The following ABCB8 variants were observed in gnomAD, a reference collection of about 807,000 sequenced individuals.
ABCB8 encodes mitochondrial potassium channel ATP-binding subunit.
In ABCB8, 52 loss-of-function variants were observed where a neutral mutation model predicts 73.0. That is an observed-to-expected ratio of 0.71 (90% confidence interval 0.57 to 0.90). ABCB8 has a LOEUF of 0.90. Among genes scored for constraint, ABCB8 ranks in the 40% least tolerant of loss-of-function variants. ABCB8 has a pLI of 0.00. For synonymous variants in ABCB8, 428 were observed against 423.5 expected (o/e 1.01, Z -0.13); for missense variants, 909 against 974.6 (o/e 0.93, Z 0.90).
At chr7:151,044,459 C>G (rs1335369175) in intron 15 of ABCB8, among the ~76,000 whole-genome samples, 1 of 152,118 alleles carries the variant, frequency 6.6e-6, no homozygotes, top group East Asian at 1.9e-4. Context: ...CCATCAGCTC[C>G]CAGGATCAAA....
At position 151,042,007 on chromosome 7, in the gene ABCB8, G is replaced by A; in HGVS notation, c.1664G>A (p.Gly555Glu). The A allele has an allele frequency of 6.2e-7, 1 of 1,613,016 alleles. No homozygotes were observed. The highest frequency in any genetic ancestry group is 8.5e-7 in the Non-Finnish European group (1 of 1,180,002). Residue 555 changes from glycine (G) to glutamate (E), a missense_variant, in exon 14 of 16, where the codon GGG becomes GAG. Coordinates refer to ENST00000358849, the MANE Select transcript of ABCB8 (RefSeq NM_007188.5). ...GTTIMENIRF[G>E]KLEASDEEVY... ...ACCATCATGGAAAACATCCGCTTTG[G>A]GAAGCTGGAAGCTTCCGATGAAGAG... is the stretch of plus-strand genomic sequence containing the variant.
chr7:151,041,080 T>C lies in ABCB8; in HGVS notation c.1484-19T>C. The C allele has an allele frequency of 6.2e-7, 1 of 1,613,618 alleles. No individual in the cohort carries two copies. Among genetic ancestry groups the C allele is most frequent in the East Asian group, 2.2e-5 (1 of 44,868 alleles). ...CCCTAGAATCCCTGGCCTCCCTCCC[T>C]CTCAACCCAATTCCCCAGGAAAGAC... is the stretch of plus-strand genomic sequence containing the variant. On this transcript the variant is annotated intron_variant, in intron 12 of 15. Transcript: ENST00000358849.
chr7:151,036,094 A>G lies in ABCB8; in HGVS notation c.1035A>G (p.Glu345=), dbSNP rs761183737. The change falls in exon 8 of 16, where the codon GAA becomes GAG. Residue 345 remains glutamate (E), a synonymous_variant. Transcript: ENST00000358849. Reference sequence around the variant, plus strand: ...CCAGGCGCTATGGGGCAGAGCTGGAAGCCTGCCGCTGCCGGGCAGAGGAGC... The same window carrying G: ...CCAGGCGCTATGGGGCAGAGCTGGAGGCCTGCCGCTGCCGGGCAGAGGAGC... The part of the protein sequence containing the change: ...REEERYGAEL[E]ACRCRAEELG... 3.1e-6 allele frequency: 5 copies of G among 1,612,998 alleles called. No homozygotes were observed. In the South Asian group the frequency reaches 5.5e-5, roughly 18 times the overall value.
chr7:151,033,467 C>A, intron 1 of ABCB8, 138 bp from the exon 2 acceptor site: 1 of 1,441,886 alleles, frequency 6.9e-7, no homozygotes, highest in South Asian at 1.6e-5. Flanking sequence ...TCAGAACAGC[C>A]CTGAGAAGGG....
In ABCB8 at chr7:151,041,347, G is replaced by A. The variant is rs373322414; in HGVS notation, c.1617+115G>A. ...TCCCACCCTCATCCTTGCTGCTCTC[G>A]GGAGACCCTGGCCGTCTTCACATGT... On this transcript the variant is annotated intron_variant, in intron 13 of 15. Transcript: ENST00000358849. 8.4e-5 allele frequency: 114 copies of A among 1,356,456 alleles called. No individual in the cohort carries two copies. In the African/African-American group the frequency reaches 1.1e-3, roughly 13 times the overall value. The allele number at this position is 1,356,456 out of a possible 1,614,324, so 84.0% of individuals were successfully genotyped here. A position where few individuals can be genotyped will look rare whatever the true frequency, so the allele number is the denominator to read the frequency against.
At chr7:151,028,754 C>CG (rs1205967038) in intron 1 of ABCB8, 144 bp downstream of exon 1, 1 of 1,532,996 alleles carries the variant, frequency 6.5e-7, no homozygotes, top group Non-Finnish European at 8.7e-7. Flanking sequence ...TGTCACTCCG[C>CG]GGGTGTTGGC....
chr7:151,036,897 A>T (rs1796325888), intron 9 of ABCB8: 1 of 752,088 alleles, frequency 1.3e-6, no homozygotes, highest in African/African-American at 1.7e-5. Flanking sequence ...CAAAGGACCC[A>T]GAAGTTTCCT....
chr7:151,044,414 TTTC>T (rs1796560369), intron 15 of ABCB8, among the ~76,000 whole-genome samples, 193 bp downstream of exon 15: 1 of 152,124 alleles, frequency 6.6e-6, no homozygotes, highest in African/African-American at 2.4e-5. Context: ...AGGCCCTCAG[TTTC>T]TTCTTCTGTC....
chr7:151,041,650 G>A (rs899770238), intron 13 of ABCB8, among the ~76,000 whole-genome samples: 1 of 152,142 alleles, frequency 6.6e-6, no homozygotes, highest in Non-Finnish European at 1.5e-5. Context: ...CCTGCTGTCC[G>A]CCAGGGAGAG....
At position 151,033,755 on chromosome 7, in the gene ABCB8, G is replaced by C; in HGVS notation, c.246G>C (p.Met82Ile). The change falls in exon 2 of 16, where the codon ATG becomes ATC. Residue 82 changes from methionine (M) to isoleucine (I), a missense_variant. Coordinates refer to ENST00000358849, the MANE Select transcript of ABCB8 (RefSeq NM_007188.5). ...CWVGGALLGP[M>I]VLSKHPHLCL... ...TTGGGGGAGCCCTGCTAGGCCCCAT[G>C]GTACTGAGTAAGCATCCCCACCTCT... The C allele has an allele frequency of 6.2e-7, 1 of 1,614,020 alleles. No homozygotes were observed. Among genetic ancestry groups the C allele is most frequent in the Non-Finnish European group, 8.5e-7 (1 of 1,179,962 alleles).
chr7:151,031,490 G>C, intron 1 of ABCB8: 1 of 609,176 alleles, frequency 1.6e-6, no homozygotes, highest in Non-Finnish European at 2.6e-6. Context: ...AAAGAGAAAA[G>C]CTCACACTAC....
chr7:151,041,137 G>T lies in ABCB8; in HGVS notation c.1522G>T (p.Asp508Tyr), dbSNP rs747784375. 1 of 1,612,868 alleles carries T rather than the reference G, an allele frequency of 6.2e-7. No individual in the cohort carries two copies. The highest frequency in any genetic ancestry group is 2.2e-5 in the East Asian group (1 of 44,830). The change falls in exon 13 of 16, where the codon GAC becomes TAC. Residue 508 changes from aspartate (D) to tyrosine (Y), a missense_variant. Asp to Tyr is a radical substitution (Grantham distance 160). Transcript: ENST00000358849. ...GGCTTCCCTGCTGGAGCGCTTCTACGACCCCACGGCAGGCGTGGTGATGCT... is the reference window on the plus strand; with the variant it reads ...GGCTTCCCTGCTGGAGCGCTTCTACTACCCCACGGCAGGCGTGGTGATGCT... ...TVASLLERFY[D>Y]PTAGVVMLDG...
At position 151,033,722 on chromosome 7, in the gene ABCB8, G is replaced by T. The variant is rs554774186; in HGVS notation, c.213G>T (p.Trp71Cys). 19 of 1,613,908 alleles carry T rather than the reference G, an allele frequency of 1.2e-5. No homozygotes were observed. The highest frequency in any genetic ancestry group is 1.1e-4 in the African/African-American group (8 of 75,024). ...CTCCCAGATGGAGCCCCTCTGCCTG[G>T]TGCTGGGTTGGGGGAGCCCTGCTAG... is the stretch of plus-strand genomic sequence containing the variant. ...PLAPRWSPSA[W>C]CWVGGALLGP... Residue 71 changes from tryptophan to cysteine, a missense_variant, in exon 2 of 16, where the codon TGG becomes TGT. Physicochemically the swap from Trp to Cys is radical, Grantham distance 215. Coordinates refer to ENST00000358849, the MANE Select transcript of ABCB8 (RefSeq NM_007188.5).
chr7:151,047,726 A>G lies in ABCB8; in HGVS notation c.*2377A>G, dbSNP rs1029044708. ...ATTGTTTGTAATGGAAAGACTGGAC[A>G]CCCCCAGTGCCCATCAGTGGGGGAG... On this transcript the variant is annotated 3_prime_UTR_variant, in exon 16 of 16. Transcript: ENST00000358849. 10 of 152,154 alleles carry G rather than the reference A, an allele frequency of 6.6e-5. No homozygotes were observed. Among genetic ancestry groups the G allele is most frequent in the Admixed American group, 6.5e-4 (10 of 15,278 alleles). 9.4% of individuals were successfully genotyped at this position (152,154 alleles called of 1,614,324 possible).
rs1461733385 is a variant in ABCB8 at position 151,033,891 on chromosome 7, C to G, written c.382C>G (p.Leu128Val). Residue 128 changes from leucine (L) to valine (V), a missense_variant, in exon 2 of 16, where the codon CTG (leucine) becomes GTG (valine). Transcript: ENST00000358849. ...CTTCTGGCAGTTTCTGCACCCCCAC[C>G]TGCTGGTCCTGGGGGTAGCCGTCGT... ...KLFWQFLHPH[L>V]LVLGVAVVLA... is the part of the protein sequence containing the mutation. 1 of 1,606,578 alleles carries G rather than the reference C, an allele frequency of 6.2e-7. No individual in the cohort carries two copies. Among genetic ancestry groups the G allele is most frequent in the East Asian group, 2.2e-5 (1 of 44,754 alleles).
At chr7:151,035,171 AG>A (rs1274428338) in intron 5 of ABCB8, among the ~76,000 whole-genome samples, 1 of 152,210 alleles carries the variant, frequency 6.6e-6, no homozygotes, top group Non-Finnish European at 1.5e-5. Flanking sequence ...ACAAGCATTG[AG>A]CATGTGCAGT....
intron 14 of ABCB8, among the ~76,000 whole-genome samples, chr7:151,042,590 CA>C (rs1796497610): frequency 1.3e-5 from 2 of 152,216 alleles, no homozygotes; most frequent in Admixed American, 1.3e-4. Context: ...GGATGGGCCC[CA>C]GGAGAGGGCT....
rs750550728 is a variant in ABCB8 at position 151,034,446 on chromosome 7, G to T, written c.564+18G>T. 3 of 1,613,684 alleles carry T rather than the reference G, an allele frequency of 1.9e-6. No individual in the cohort carries two copies. Among genetic ancestry groups the T allele is most frequent in the Admixed American group, 3.3e-5 (2 of 60,000 alleles). ...GTGTCCAGGTACAGCCGGGAGTGGG[G>T]CTGGGGACCGCCGAGGAGCCACCCG... On this transcript the variant is annotated intron_variant, in intron 3 of 15. Transcript: ENST00000358849.
intron 9 of ABCB8, 52 bp downstream of exon 9, chr7:151,036,701 C>A: frequency 6.8e-7 from 1 of 1,481,474 alleles, no homozygotes; most frequent in Non-Finnish European, 9.3e-7. Context: ...CCCTCCAGAG[C>A]CCTGCTGGGT....
Sources: gnomAD v4.1 joint callset for allele counts (sites outside exome capture counted in the v4.1 genomes callset) on GRCh38, gnomAD v4.1.1 for gene constraint, MANE v1.5 for transcripts, NCBI Gene and HGNC (gene_info 2026-07-23, HGNC 2026-07-21) for gene names.